ADAMTS9: variants seen among roughly 807,000 people sequenced by gnomAD.
The protein encoded by ADAMTS9 is A disintegrin and metalloproteinase with thrombospondin motifs 9.
In ADAMTS9, 107 loss-of-function variants were observed where a neutral mutation model predicts 257.1. That is an observed-to-expected ratio of 0.42 (90% confidence interval 0.36 to 0.49). ADAMTS9 has a LOEUF of 0.49. Ranked by LOEUF, ADAMTS9 falls within the 20% of genes least tolerant of loss-of-function variation. ADAMTS9 has a pLI of 0.03. For missense variants in ADAMTS9, 2,353 were observed against 2,469.1 expected (o/e 0.95, Z 1.00); for synonymous variants, 982 against 880.9 (o/e 1.11, Z -2.03).
Position 64,657,400 on chromosome 3 carries a change from A to C in ADAMTS9, c.969+1102T>G, listed in dbSNP as rs1408323753. 2.6e-5 allele frequency among the ~76,000 whole-genome samples: 4 copies of C among 152,258 alleles called. No individual in the cohort carries two copies. The East Asian group carries it at 5.8e-4, about 22-fold the overall frequency. On this transcript the variant is annotated intron_variant, in intron 4 of 39. Coordinates refer to ENST00000498707, the MANE Select transcript of ADAMTS9 (RefSeq NM_182920.2). ...CTCCAAGGCTGATGCACAGTGGCGC[A>C]ATCAAGGCTCACTGTAGCCTCAAAC...
intron 8 of ADAMTS9, 111 bp from the exon 9 acceptor site, chr3:64,651,274 G>A: frequency 2.3e-6 from 2 of 876,202 alleles, no homozygotes; most frequent in Non-Finnish European, 3.3e-6. Flanking sequence ...ACTTCATTTT[G>A]GATAAGAACC....
At chr3:64,647,919 A>C in intron 11 of ADAMTS9, 21 bp downstream of exon 11, 4 of 1,606,042 alleles carry the variant, frequency 2.5e-6, no homozygotes, top group Non-Finnish European at 3.4e-6. Context: ...AGACAGAAGG[A>C]CAGAACAGGG....
intron 32 of ADAMTS9, among the ~76,000 whole-genome samples, chr3:64,545,232 A>G (rs1274370191): frequency 2.0e-5 from 3 of 152,202 alleles, no homozygotes; most frequent in African/African-American, 7.2e-5. Flanking sequence ...GAGAAATACC[A>G]TTTGACCCAG....
chr3:64,649,567 A>G, intron 10 of ADAMTS9, 70 bp downstream of exon 10: 4 of 1,504,150 alleles, frequency 2.7e-6, no homozygotes, highest in East Asian at 2.3e-5. Flanking sequence ...TTAGAATGCA[A>G]TGGAAAACTA....
rs142339765 is a variant in ADAMTS9, at chr3:64,591,552, C to G, written c.4356+2706G>C. Among the ~76,000 whole-genome samples, 251 of 152,264 alleles carry G rather than the reference C, an allele frequency of 1.6e-3. 1 individual carries two copies. The highest frequency in any genetic ancestry group is 5.2e-3 in the Admixed American group (79 of 15,284). On this transcript the variant is annotated intron_variant, in intron 28 of 39. Coordinates refer to ENST00000498707, the MANE Select transcript of ADAMTS9 (RefSeq NM_182920.2). ...ATTTCTGGAGGATATTTCTCACCAT[C>G]ATGATTCTTAAATCCGCAATGACTT...
At chr3:64,530,975 G>T (rs1252924177) in intron 38 of ADAMTS9, among the ~76,000 whole-genome samples, 2 of 152,088 alleles carry the variant, frequency 1.3e-5, no homozygotes, top group Non-Finnish European at 2.9e-5. Flanking sequence ...GAAGGAATGG[G>T]GAAAGAACAT....
chr3:64,599,237 A>T (rs1035649352), intron 26 of ADAMTS9, among the ~76,000 whole-genome samples: 1 of 152,198 alleles, frequency 6.6e-6, no homozygotes, highest in Non-Finnish European at 1.5e-5. Context: ...TAATTTTGCC[A>T]TTATTTGATT....
At chr3:64,538,619 T>C (rs759632958) in intron 37 of ADAMTS9, among the ~76,000 whole-genome samples, 1 of 152,180 alleles carries the variant, frequency 6.6e-6, no homozygotes, top group Non-Finnish European at 1.5e-5. Flanking sequence ...TTCTGTCTAA[T>C]CCATGTAAAG....
intron 21 of ADAMTS9, 91 bp downstream of exon 21, chr3:64,615,230 G>A: frequency 1.4e-6 from 2 of 1,409,102 alleles, no homozygotes; most frequent in Non-Finnish European, 1.9e-6. Flanking sequence ...GTGGGAGAAA[G>A]GTGCACAAGG....
chr3:64,616,254 T>C lies in ADAMTS9; in HGVS notation c.2814-84A>G, dbSNP rs2084762443. 4.2e-6 allele frequency: 6 copies of C among 1,428,416 alleles called. No individual in the cohort carries two copies. The East Asian group carries it at 6.9e-5, about 16-fold the overall frequency. The allele number at this position is 1,428,416 out of a possible 1,614,324, so 88.5% of individuals were successfully genotyped here. A position where few individuals can be genotyped will look rare whatever the true frequency, so the allele number is the denominator to read the frequency against. On this transcript the variant is annotated intron_variant, in intron 19 of 39. Coordinates refer to ENST00000498707, the MANE Select transcript of ADAMTS9 (RefSeq NM_182920.2). The stretch of plus-strand genomic sequence containing the variant: ...TAGTCAACTGGTATTCATAGAAGAG[T>C]TGAGTTCTTTTTTCTTTCTTAACTC...
rs567008834 is a variant in ADAMTS9 at position 64,657,143 on chromosome 3, G to A, written c.970-1268C>T. On this transcript the variant is annotated intron_variant, in intron 4 of 39. Transcript: ENST00000498707. The stretch of plus-strand genomic sequence containing the variant: ...CATAAGAAATACCTAGAGTTGCACT[G>A]CCCAACAGTGGCCACCCATCACAAG... Among the ~76,000 whole-genome samples, 5 of 152,252 alleles carry A rather than the reference G, an allele frequency of 3.3e-5. No homozygotes were observed. The East Asian group carries it at 9.7e-4, about 29-fold the overall frequency.
At chr3:64,629,104 T>C (rs1171251127) in intron 16 of ADAMTS9, among the ~76,000 whole-genome samples, 2 of 152,158 alleles carry the variant, frequency 1.3e-5, no homozygotes, top group Non-Finnish European at 2.9e-5. Flanking sequence ...TGGTTCCAAC[T>C]TCAAAAGATA....
chr3:64,686,023 A>G lies in ADAMTS9; in HGVS notation c.516+545T>C, dbSNP rs759765560. ...GACCTGCTCCCTGTCAATCCAGTTC[A>G]GCCTCAGGGTTCCTGGCGCGTGAAT... is the stretch of plus-strand genomic sequence containing the variant. On this transcript the variant is annotated intron_variant, in intron 2 of 39. Coordinates refer to ENST00000498707, the MANE Select transcript of ADAMTS9 (RefSeq NM_182920.2). This position sits in a 1 kb window ranked among gnomAD's most constrained non-coding sequence, Gnocchi z 4.6. Among the ~76,000 whole-genome samples, 9 of 152,148 alleles carry G rather than the reference A, an allele frequency of 5.9e-5. No individual in the cohort carries two copies. The highest frequency in any genetic ancestry group is 1.0e-4 in the Non-Finnish European group (7 of 68,036).
chr3:64,655,831 A>G lies in ADAMTS9; in HGVS notation c.1014T>C (p.Asn338=). 6.4e-7 allele frequency: 1 copy of G among 1,572,354 alleles called. No individual in the cohort carries two copies. The change falls in exon 5 of 40, where the codon AAT becomes AAC. Residue 338 remains asparagine (N), a synonymous_variant. Coordinates refer to ENST00000498707, the MANE Select transcript of ADAMTS9 (RefSeq NM_182920.2). ...TCACAATTAAGTTCACAATAACAATATTAATTAAATTTCCAATACTTGGGT... is the reference window on the plus strand; with the variant it reads ...TCACAATTAAGTTCACAATAACAATGTTAATTAAATTTCCAATACTTGGGT... The part of the protein sequence containing the change: ...YKDPSIGNLI[N]IVIVNLIVIH...
Position 64,552,575 on chromosome 3 carries a change from CT to C in ADAMTS9, c.4699-1514del, listed in dbSNP as rs113655800. ...AGAATGTTGTCTTTTCTTTTCTTTC[CT>C]TTTTTTTTTTTTTTGAGACAAAGTC... On this transcript the variant is annotated intron_variant, in intron 30 of 39. Transcript: ENST00000498707. Among the ~76,000 whole-genome samples the C allele has an allele frequency of 2.1e-3, 296 of 139,118 alleles. 1 individual carries two copies. The highest frequency in any genetic ancestry group is 3.8e-3 in the Middle Eastern group (1 of 264). 91.3% of individuals were successfully genotyped at this position (139,118 alleles called of 152,430 possible). A position where few individuals can be genotyped will look rare whatever the true frequency, so the allele number is the denominator to read the frequency against.
chr3:64,553,400 G>C (rs913645400), intron 30 of ADAMTS9, among the ~76,000 whole-genome samples: 6 of 152,176 alleles, frequency 3.9e-5, no homozygotes, highest in Non-Finnish European at 8.8e-5. Flanking sequence ...TTTTAAGGCT[G>C]AATAAGATTC....
At chr3:64,642,127 T>G in intron 11 of ADAMTS9, 134 bp from the exon 12 acceptor site, 1 of 1,000,274 alleles carries the variant, frequency 1.0e-6, no homozygotes, top group Non-Finnish European at 1.5e-6. Context: ...TCATCATCTA[T>G]ATGAATAATG....
At chr3:64,578,150 A>T (rs1377092325) in intron 28 of ADAMTS9, among the ~76,000 whole-genome samples, 1 of 152,212 alleles carries the variant, frequency 6.6e-6, no homozygotes, top group East Asian at 1.9e-4. Context: ...AGGTCATTTT[A>T]ACCATTATCA....
intron 6 of ADAMTS9, 55 bp downstream of exon 6, chr3:64,655,521 A>G (rs1701046221): frequency 7.1e-7 from 1 of 1,416,888 alleles, no homozygotes; most frequent in Non-Finnish European, 1.0e-6. Flanking sequence ...GCATGACCAC[A>G]TCCCATCAAC....
Sources: allele counts gnomAD v4.1 joint callset (sites outside exome capture counted in the v4.1 genomes callset), GRCh38; gene constraint gnomAD v4.1.1; non-coding constraint Gnocchi (gnomAD v3.1); transcripts MANE v1.5; gene names NCBI Gene and HGNC (gene_info 2026-07-23, HGNC 2026-07-21).